TRPM7: variants seen among roughly 807,000 people sequenced by gnomAD.
TRPM7 encodes LTRPC ion channel family member 7.
Under a neutral mutation model 229.7 loss-of-function variants are expected in TRPM7, and 134 were observed. That is an observed-to-expected ratio of 0.58 (90% CI 0.51 to 0.67). TRPM7 has a LOEUF of 0.67. Ranked by LOEUF, TRPM7 falls within the 30% of genes least tolerant of loss-of-function variation. The pLI is 0.00. For missense variants in TRPM7, 1,901 were observed against 2,210.0 expected (o/e 0.86, Z 2.80); for synonymous variants, 699 against 715.2 (o/e 0.98, Z 0.36).
intron 33 of TRPM7, 87 bp downstream of exon 33, chr15:50,575,637 T>G: frequency 4.4e-6 from 5 of 1,144,614 alleles, no homozygotes; most frequent in Non-Finnish European, 6.3e-6. Context: ...TACTTCTTAA[T>G]GTAATCCCAC....
Position 50,574,213 on chromosome 15 carries a change from CAT to C in TRPM7, c.5308+59_5308+60del. The C allele has an allele frequency of 3.3e-5, 43 of 1,298,420 alleles. No homozygotes were observed. The South Asian group carries it at 5.1e-4, about 15-fold the overall frequency. 80.4% of individuals were successfully genotyped at this position (1,298,420 alleles called of 1,614,324 possible). ...CTATAAATTAGCAGATTCTGTATAA[CAT>C]ATGAATAGGTGAGAACCTACTGCAG... is the stretch of plus-strand genomic sequence containing the variant. On this transcript the variant is annotated intron_variant, in intron 36 of 38. Coordinates refer to ENST00000646667, the MANE Select transcript of TRPM7 (RefSeq NM_017672.6).
chr15:50,612,674 C>T lies in TRPM7; in HGVS notation c.1926G>A (p.Trp642Ter), dbSNP rs1385202986. The change falls in exon 16 of 39, where the codon TGG (tryptophan) becomes TGA (stop). Residue 642 changes from tryptophan to a stop codon, truncating the protein, a stop_gained. Coordinates refer to ENST00000646667, the MANE Select transcript of TRPM7 (RefSeq NM_017672.6). LOFTEE classifies it high-confidence loss of function. ...TAGCCATTGATTCTTCACCATGTTG[C>T]CATAAAAAACGGGCCATGACCTGCC... ...MKRQVMARFL[W>*]QHGEESMAKA... 2.5e-6 allele frequency: 4 copies of T among 1,613,986 alleles called. No individual in the cohort carries two copies. Among genetic ancestry groups the T allele is most frequent in the African/African-American group, 2.7e-5 (2 of 74,928 alleles).
rs759850295 is a variant in TRPM7, at chr15:50,574,971, A to C, written c.4900T>G (p.Ser1634Ala). 12 of 1,614,130 alleles carry C rather than the reference A, an allele frequency of 7.4e-6. No homozygotes were observed. Among genetic ancestry groups the C allele is most frequent in the Non-Finnish European group, 1.0e-5 (12 of 1,180,006 alleles). The change falls in exon 34 of 39, where the codon TCA becomes GCA. Residue 1634 changes from serine to alanine, a missense_variant. By Grantham distance (99) the Ser-to-Ala change is moderately conservative. This residue lies in a region of TRPM7 where 257 missense variants were observed against 352.0 expected (regional missense o/e 0.73). Coordinates refer to ENST00000646667, the MANE Select transcript of TRPM7 (RefSeq NM_017672.6). ...RRAVKVQCTW[S>A]EHDILKSGHL... ...CCTGATTTGAGGATATCATGTTCTG[A>C]CCAGGTACACTGTACTTTGACAGCT...
At position 50,615,621 on chromosome 15, in the gene TRPM7, G is replaced by T. The variant is rs1204559402; in HGVS notation, c.1495-1358C>A. On this transcript the variant is annotated intron_variant, in intron 13 of 38. Coordinates refer to ENST00000646667, the MANE Select transcript of TRPM7 (RefSeq NM_017672.6). ...ATTTCCCTGATTATGTCATGAACTT[G>T]TTTTTTTTAATGTCTGTATTTTTAC... is the stretch of plus-strand genomic sequence containing the variant. 3.3e-5 allele frequency among the ~76,000 whole-genome samples: 5 copies of T among 151,444 alleles called. 1 individual carries two copies. Among genetic ancestry groups the T allele is most frequent in the South Asian group, 4.2e-4 (2 of 4,800 alleles).
intron 37 of TRPM7, 41 bp from the exon 38 acceptor site, chr15:50,570,034 G>A (rs189359502): frequency 1.4e-5 from 22 of 1,586,800 alleles, no homozygotes; most frequent in African/African-American, 1.4e-5. Context: ...CAAAAAAAAG[G>A]GGGCAGTTTA....
At chr15:50,686,490 C>T in intron 1 of TRPM7, 41 bp downstream of exon 1, 3 of 1,614,128 alleles carry the variant, frequency 1.9e-6, no homozygotes, top group South Asian at 2.2e-5. Context: ...CGCCCGCAAC[C>T]CCAGAACCAT....
At chr15:50,570,177 A>G (rs775034179) in intron 36 of TRPM7, 22 bp from the exon 37 acceptor site, 1 of 1,529,442 alleles carries the variant, frequency 6.5e-7, no homozygotes, top group Non-Finnish European at 8.9e-7. Flanking sequence ...TATATAAAAA[A>G]GACAAATAAT....
intron 30 of TRPM7, 123 bp downstream of exon 30, chr15:50,580,750 TG>T: frequency 2.5e-6 from 2 of 798,096 alleles, no homozygotes; most frequent in Non-Finnish European, 3.8e-6. Flanking sequence ...AGAGAGGAGA[TG>T]CTAGAATAAA....
intron 1 of TRPM7, among the ~76,000 whole-genome samples, chr15:50,681,904 CTG>C (rs1217129701): frequency 6.6e-6 from 1 of 152,078 alleles, no homozygotes; most frequent in African/African-American, 2.4e-5. Context: ...TCATAAAAGA[CTG>C]TGCGGTGGCT....
chr15:50,639,398 T>A lies in TRPM7; in HGVS notation c.660+26A>T, dbSNP rs775952092. Reference sequence around the variant, plus strand: ...TTTTGTTTACATATAATTTCAAACATAAGAAATTTTAAAAATAATTCTTAC... The same window carrying A: ...TTTTGTTTACATATAATTTCAAACAAAAGAAATTTTAAAAATAATTCTTAC... On this transcript the variant is annotated intron_variant, in intron 6 of 38. Transcript: ENST00000646667. 5 of 1,542,392 alleles carry A rather than the reference T, an allele frequency of 3.2e-6. No individual in the cohort carries two copies. The Admixed American group carries it at 9.2e-5, about 29-fold the overall frequency.
chr15:50,643,583 A>G, intron 4 of TRPM7, 30 bp from the exon 5 acceptor site: 2 of 1,577,684 alleles, frequency 1.3e-6, no homozygotes, highest in Non-Finnish European at 1.7e-6. Context: ...GGAGAAAATA[A>G]TTGAACATGT....
chr15:50,565,574 G>A (rs933978613), intron 38 of TRPM7, among the ~76,000 whole-genome samples: 7 of 152,036 alleles, frequency 4.6e-5, no homozygotes, highest in African/African-American at 1.7e-4. Context: ...ATGCATCTAA[G>A]AACAACGCCT....
chr15:50,593,804 T>G (rs1475524324), intron 24 of TRPM7, 55 bp from the exon 25 acceptor site: 4 of 1,531,724 alleles, frequency 2.6e-6, no homozygotes, highest in Non-Finnish European at 3.5e-6. Flanking sequence ...GTTTCAACTT[T>G]AGCTCATAAT....
Position 50,624,290 on chromosome 15 carries a change from A to G in TRPM7, c.1316T>C (p.Leu439Ser). 1.2e-6 allele frequency: 2 copies of G among 1,604,452 alleles called. No individual in the cohort carries two copies. Among genetic ancestry groups the G allele is most frequent in the Non-Finnish European group, 1.7e-6 (2 of 1,176,660 alleles). The change falls in exon 12 of 39, where the codon TTG becomes TCG. Residue 439 changes from leucine (L) to serine (S), a missense_variant. Leu to Ser is a moderately radical substitution (Grantham distance 145). Around this residue, in one of 8 missense-constraint regions of TRPM7, gnomAD observed 794 missense variants for 881.9 expected, o/e 0.90. Coordinates refer to ENST00000646667, the MANE Select transcript of TRPM7 (RefSeq NM_017672.6). ...AAGAGCATCAAGCATAGCTTGTTCC[A>G]AGGATCCAACCTAGGAGTATCAAAT... Reference protein sequence around the residue: ...VYGQQWLVGSLEQAMLDALVM... With the variant: ...VYGQQWLVGSSEQAMLDALVM...
chr15:50,587,269 C>CAG (rs1453905463), intron 27 of TRPM7, among the ~76,000 whole-genome samples: 1 of 151,996 alleles, frequency 6.6e-6, no homozygotes, highest in Non-Finnish European at 1.5e-5. Context: ...ACTATTTTGT[C>CAG]AGATTTCAAT....
chr15:50,681,121 C>T (rs1477200672), intron 1 of TRPM7, among the ~76,000 whole-genome samples: 1 of 152,016 alleles, frequency 6.6e-6, no homozygotes, highest in Non-Finnish European at 1.5e-5. Flanking sequence ...CATGGTAGCA[C>T]ATGCCTGTAA....
chr15:50,620,437 T>C (rs1278554274), intron 12 of TRPM7, among the ~76,000 whole-genome samples: 2 of 152,204 alleles, frequency 1.3e-5, no homozygotes, highest in Non-Finnish European at 2.9e-5. Flanking sequence ...TTAACATTTA[T>C]ATATGCCATA....
intron 1 of TRPM7, among the ~76,000 whole-genome samples, chr15:50,666,160 T>G (rs2140936785): frequency 6.6e-6 from 1 of 152,136 alleles, no homozygotes; most frequent in South Asian, 2.1e-4. Context: ...AAGTTGGTTC[T>G]TAGGTTAACA....
chr15:50,609,751 T>C (rs757365939), intron 18 of TRPM7, 27 bp from the exon 19 acceptor site: 2 of 1,579,058 alleles, frequency 1.3e-6, no homozygotes, highest in Non-Finnish European at 1.7e-6. Context: ...AAAAATTCTT[T>C]TGTACAATTA....
Sources: allele counts gnomAD v4.1 joint callset (sites outside exome capture counted in the v4.1 genomes callset), GRCh38; gene constraint gnomAD v4.1.1; regional missense constraint gnomAD v4.1.1; transcripts MANE v1.5; gene names NCBI Gene and HGNC (gene_info 2026-07-23, HGNC 2026-07-21).